Variants in CTNND2 observed in about 807,000 individuals in gnomAD.
The protein encoded by CTNND2 is catenin delta 2.
In CTNND2, 22 loss-of-function variants were observed where a neutral mutation model predicts 144.4. That is an observed-to-expected ratio of 0.15 (90% confidence interval 0.11 to 0.22). The LOEUF is 0.22. Among genes scored for constraint, CTNND2 ranks in the 10% least tolerant of loss-of-function variants. The probability of loss-of-function intolerance (pLI) is 1.00; values close to 1 mark genes in which losing one functional copy is unlikely to be tolerated. For missense variants in CTNND2, 1,353 were observed against 1,618.8 expected (o/e 0.84, Z 2.82); for synonymous variants, 751 against 695.6 (o/e 1.08, Z -1.25).
At chr5:11,049,332 A>G (rs1255707933) in intron 16 of CTNND2, among the ~76,000 whole-genome samples, 1 of 152,210 alleles carries the variant, frequency 6.6e-6, no homozygotes, top group African/African-American at 2.4e-5. Flanking sequence ...TAAAACTGAC[A>G]TAATACAAAT....
At chr5:11,506,913 G>T (rs979897389) in intron 3 of CTNND2, among the ~76,000 whole-genome samples, 3 of 152,142 alleles carry the variant, frequency 2.0e-5, no homozygotes, top group African/African-American at 7.2e-5. Flanking sequence ...CAGCTTTAGC[G>T]ATGCGACTGG....
At chr5:11,700,772 A>G (rs1433443280) in intron 2 of CTNND2, among the ~76,000 whole-genome samples, 2 of 152,208 alleles carry the variant, frequency 1.3e-5, no homozygotes, top group Non-Finnish European at 2.9e-5. Flanking sequence ...TAGCTGAGGA[A>G]AAGAAGAGAT....
chr5:11,364,048 A>G (rs935829236), intron 8 of CTNND2, among the ~76,000 whole-genome samples: 1 of 152,202 alleles, frequency 6.6e-6, no homozygotes, highest in African/African-American at 2.4e-5. Context: ...CATTTGACAG[A>G]TTATGTTGCA....
chr5:11,834,532 C>T (rs756691289), intron 1 of CTNND2, among the ~76,000 whole-genome samples: 3 of 152,082 alleles, frequency 2.0e-5, no homozygotes, highest in Non-Finnish European at 4.4e-5. Flanking sequence ...CATCATGGTG[C>T]ACCCCATAAT....
chr5:11,866,639 C>T (rs183295430), intron 1 of CTNND2, among the ~76,000 whole-genome samples: 28 of 152,344 alleles, frequency 1.8e-4, no homozygotes, highest in Non-Finnish European at 3.5e-4. Context: ...GCACATCCTA[C>T]GTGCTAAATG....
At chr5:11,763,777 G>A (rs888759758) in intron 1 of CTNND2, among the ~76,000 whole-genome samples, 9 of 152,124 alleles carry the variant, frequency 5.9e-5, no homozygotes, top group African/African-American at 1.9e-4. Context: ...GTGGAAATTA[G>A]TTGTTTTGGT....
chr5:11,120,381 A>G (rs1417729770), intron 12 of CTNND2, among the ~76,000 whole-genome samples: 1 of 151,730 alleles, frequency 6.6e-6, no homozygotes, highest in African/African-American at 2.4e-5. Context: ...TACTGTCTGC[A>G]GGCATGGTGA....
At chr5:10,993,712 T>A (rs61751684) in intron 18 of CTNND2, among the ~76,000 whole-genome samples, 9,084 of 151,870 alleles carry the variant, frequency 0.06, 899 homozygotes, top group African/African-American at 0.21. Flanking sequence ...AGCTGGGTAA[T>A]ATCTTTTAAA....
intron 9 of CTNND2, among the ~76,000 whole-genome samples, chr5:11,295,413 T>A (rs539938207): frequency 2.6e-5 from 4 of 152,104 alleles, no homozygotes; most frequent in Non-Finnish European, 4.4e-5. Flanking sequence ...CTGCCCAAGG[T>A]AATTTATAGA....
At chr5:11,550,810 G>T (rs1775686605) in intron 3 of CTNND2, among the ~76,000 whole-genome samples, 1 of 152,226 alleles carries the variant, frequency 6.6e-6, no homozygotes, top group South Asian at 2.1e-4. Flanking sequence ...AAGGGTTCTT[G>T]TTGAAAATGG....
chr5:11,016,918 T>C (rs852626), intron 18 of CTNND2, among the ~76,000 whole-genome samples: 118,986 of 151,794 alleles, frequency 0.78, 46,959 homozygotes, highest in African/African-American at 0.87. Flanking sequence ...TTACAGGCGC[T>C]GCTACCACGC....
intron 1 of CTNND2, among the ~76,000 whole-genome samples, chr5:11,828,609 G>A (rs1171664727): frequency 1.3e-5 from 2 of 152,220 alleles, no homozygotes; most frequent in Admixed American, 6.5e-5. Context: ...TAAGACATAA[G>A]TTGCTCTTCC....
intron 3 of CTNND2, among the ~76,000 whole-genome samples, chr5:11,548,775 C>A (rs990689663): frequency 6.6e-6 from 1 of 152,066 alleles, no homozygotes; most frequent in African/African-American, 2.4e-5. Flanking sequence ...TCTTAAAATT[C>A]CCTTATTTTG....
chr5:11,544,923 C>A (rs929293781), intron 3 of CTNND2, among the ~76,000 whole-genome samples: 2 of 151,702 alleles, frequency 1.3e-5, no homozygotes, highest in African/African-American at 4.8e-5. Context: ...TCAAGACTAG[C>A]CTGACAAACA....
intron 3 of CTNND2, among the ~76,000 whole-genome samples, chr5:11,429,713 G>T (rs1763104481): frequency 6.6e-6 from 1 of 152,142 alleles, no homozygotes; most frequent in Admixed American, 6.5e-5. Flanking sequence ...CACCACAGAA[G>T]ATTAGACTTT....
intron 1 of CTNND2, among the ~76,000 whole-genome samples, chr5:11,812,345 T>C (rs535394374): frequency 2.0e-4 from 31 of 152,320 alleles, no homozygotes; most frequent in African/African-American, 7.0e-4. Context: ...AGTTTCAAAA[T>C]AGATCCAAAT....
chr5:11,870,489 G>T (rs991530506), intron 1 of CTNND2, among the ~76,000 whole-genome samples: 23 of 152,196 alleles, frequency 1.5e-4, no homozygotes, highest in African/African-American at 5.3e-4. Context: ...AGATGAATTT[G>T]CTTACAAAGA....
At chr5:11,642,385 G>C (rs997706965) in intron 2 of CTNND2, among the ~76,000 whole-genome samples, 2 of 152,174 alleles carry the variant, frequency 1.3e-5, no homozygotes, top group Non-Finnish European at 2.9e-5. Context: ...GAACAAGGGG[G>C]TTGCAATTTG....
chr5:11,394,353 G>T (rs35375483), intron 6 of CTNND2, among the ~76,000 whole-genome samples: 27,317 of 152,144 alleles, frequency 0.18, 2,618 homozygotes, highest in Middle Eastern at 0.27. Flanking sequence ...CATCTTGAAT[G>T]CATCAAAGAA....
Sources: allele counts gnomAD v4.1 joint callset (sites outside exome capture counted in the v4.1 genomes callset), GRCh38; gene constraint gnomAD v4.1.1; transcripts MANE v1.5; gene names NCBI Gene and HGNC (gene_info 2026-07-23, HGNC 2026-07-21).